Variants in CNTN1 observed in about 807,000 individuals in gnomAD.
The protein encoded by CNTN1 is contactin 1, also known as contactin-1.
In CNTN1, 38 loss-of-function variants were observed where a neutral mutation model predicts 126.4. That is an observed-to-expected ratio of 0.30 (90% confidence interval 0.23 to 0.39). The LOEUF (loss-of-function observed/expected upper bound fraction) is 0.39, where lower values mean the gene tolerates loss of function less well. CNTN1 is among the 10% of genes least tolerant of loss of function. CNTN1 has a pLI of 1.00. For synonymous variants in CNTN1, 413 were observed against 422.6 expected (o/e 0.98, Z 0.28); for missense variants, 1,009 against 1,248.4 (o/e 0.81, Z 2.89).
chr12:40,760,240 A>C (rs760553951), intron 1 of CNTN1, among the ~76,000 whole-genome samples: 1 of 152,190 alleles, frequency 6.6e-6, no homozygotes, highest in African/African-American at 2.4e-5. Context: ...TGGCTTTTAC[A>C]ATGGAAATTT....
chr12:40,921,344 T>C (rs1016691172), intron 4 of CNTN1, among the ~76,000 whole-genome samples: 4 of 152,312 alleles, frequency 2.6e-5, no homozygotes, highest in South Asian at 4.1e-4. Context: ...TCTAGGCTTA[T>C]GACTTTCCTG....
At chr12:40,877,989 T>C (rs79127133) in intron 1 of CNTN1, among the ~76,000 whole-genome samples, 1 of 47,584 alleles carries the variant, frequency 2.1e-5, no homozygotes, top group Admixed American at 1.7e-4. Flanking sequence ...AGTTTTTTCC[T>C]TTTTTTTTTT....
chr12:40,955,435 G>A (rs1025831885), intron 14 of CNTN1, among the ~76,000 whole-genome samples: 3 of 151,952 alleles, frequency 2.0e-5, no homozygotes, highest in African/African-American at 7.2e-5. Flanking sequence ...TATGAAAATA[G>A]TGTATAGATA....
chr12:40,805,991 T>C (rs73114707), intron 1 of CNTN1, among the ~76,000 whole-genome samples: 3,461 of 152,242 alleles, frequency 0.023, 127 homozygotes, highest in African/African-American at 0.078. Flanking sequence ...TGTTGTAATC[T>C]GCTCCCAGCT....
intron 1 of CNTN1, among the ~76,000 whole-genome samples, chr12:40,899,032 G>T (rs1325817342): frequency 6.6e-6 from 1 of 152,076 alleles, no homozygotes; most frequent in Admixed American, 6.6e-5. Flanking sequence ...CCATACAAAG[G>T]GATTATTACA....
chr12:41,003,221 TTC>T (rs1465860829), intron 17 of CNTN1, among the ~76,000 whole-genome samples: 1 of 152,244 alleles, frequency 6.6e-6, no homozygotes, highest in Non-Finnish European at 1.5e-5. Flanking sequence ...TTGTCTTTAA[TTC>T]TGTTTATGTG....
At chr12:41,066,152 C>T (rs1950045732) in intron 23 of CNTN1, among the ~76,000 whole-genome samples, 3 of 152,166 alleles carry the variant, frequency 2.0e-5, no homozygotes, top group Admixed American at 2.0e-4. Flanking sequence ...TGGAGGACTC[C>T]TGGACTGAGT....
chr12:40,802,757 C>G (rs918525928), intron 1 of CNTN1, among the ~76,000 whole-genome samples: 1 of 151,976 alleles, frequency 6.6e-6, no homozygotes, highest in Non-Finnish European at 1.5e-5. Context: ...CACTTTTCTG[C>G]TAAAGCTTTG....
intron 1 of CNTN1, among the ~76,000 whole-genome samples, chr12:40,890,264 C>A (rs1214971248): frequency 6.6e-6 from 1 of 152,136 alleles, no homozygotes; most frequent in Non-Finnish European, 1.5e-5. Flanking sequence ...CCCCTTGTCT[C>A]CTCACACATA....
chr12:41,009,610 G>A (rs192185261), intron 17 of CNTN1, among the ~76,000 whole-genome samples: 81 of 152,334 alleles, frequency 5.3e-4, no homozygotes, highest in African/African-American at 1.9e-3. Context: ...TCCTGAAGTA[G>A]TCTTCATTCC....
intron 23 of CNTN1, among the ~76,000 whole-genome samples, chr12:41,033,412 A>G (rs1370829873): frequency 6.6e-6 from 1 of 152,234 alleles, no homozygotes; most frequent in African/African-American, 2.4e-5. Flanking sequence ...TAGAATATCA[A>G]TTGACAAGGA....
At chr12:41,069,120 A>G (rs1465888354) in intron 23 of CNTN1, among the ~76,000 whole-genome samples, 3 of 152,222 alleles carry the variant, frequency 2.0e-5, no homozygotes, top group Non-Finnish European at 4.4e-5. Context: ...TCGGCAGGAC[A>G]CGGACCCATA....
chr12:40,829,784 T>G (rs1262021004), intron 1 of CNTN1, among the ~76,000 whole-genome samples: 1 of 152,202 alleles, frequency 6.6e-6, no homozygotes, highest in African/African-American at 2.4e-5. Flanking sequence ...CTCCTGATGC[T>G]GAGTCATGGT....
chr12:40,738,038 T>C (rs1439327708), intron 1 of CNTN1, among the ~76,000 whole-genome samples: 3 of 152,218 alleles, frequency 2.0e-5, no homozygotes, highest in African/African-American at 4.8e-5. Context: ...GCATATATTC[T>C]GTATTTTTAG....
intron 1 of CNTN1, among the ~76,000 whole-genome samples, chr12:40,809,851 A>ACACACACAC (rs1206384993): frequency 6.0e-5 from 6 of 100,014 alleles, no homozygotes; most frequent in Admixed American, 1.8e-4. Flanking sequence ...CACACACACA[A>ACACACACAC]AAGTCAAAAC....
intron 1 of CNTN1, among the ~76,000 whole-genome samples, chr12:40,873,341 T>C (rs1449264523): frequency 6.6e-6 from 1 of 152,204 alleles, no homozygotes; most frequent in Non-Finnish European, 1.5e-5. Flanking sequence ...AAATATGGTG[T>C]ATTATAAAAT....
chr12:40,761,528 A>C (rs1938865441), intron 1 of CNTN1, among the ~76,000 whole-genome samples: 1 of 152,046 alleles, frequency 6.6e-6, no homozygotes. Context: ...GCATTAAAAC[A>C]TATTTTGGTT....
intron 1 of CNTN1, among the ~76,000 whole-genome samples, chr12:40,765,917 C>T (rs1939065757): frequency 6.6e-6 from 1 of 152,114 alleles, no homozygotes; most frequent in South Asian, 2.1e-4. Flanking sequence ...CAAACTAAAA[C>T]AAAATTTTAC....
At chr12:40,794,886 T>C (rs998680262) in intron 1 of CNTN1, among the ~76,000 whole-genome samples, 1 of 151,944 alleles carries the variant, frequency 6.6e-6, no homozygotes, top group Non-Finnish European at 1.5e-5. Context: ...AGAATTTTAT[T>C]TTTGTTTGAT....
Sources: allele counts gnomAD v4.1 joint callset (sites outside exome capture counted in the v4.1 genomes callset), GRCh38; gene constraint gnomAD v4.1.1; transcripts MANE v1.5; gene names NCBI Gene and HGNC (gene_info 2026-07-23, HGNC 2026-07-21).